NR5A2: variants seen among roughly 807,000 people sequenced by gnomAD.
NR5A2 encodes CYP7A promoter-binding factor.
Under a neutral mutation model 62.7 loss-of-function variants are expected in NR5A2, and 26 were observed. The observed-to-expected ratio is 0.41, with a 90% confidence interval of 0.30 to 0.58. The LOEUF (loss-of-function observed/expected upper bound fraction) is 0.58. Among genes scored for constraint, NR5A2 ranks in the 20% least tolerant of loss-of-function variants. NR5A2 has a pLI of 0.22. For missense variants in NR5A2, 541 were observed against 669.1 expected, an observed-to-expected ratio of 0.81 and a Z score of 2.11; for synonymous variants, 246 against 241.7, an observed-to-expected ratio of 1.02 and a Z score of -0.16.
At chr1:200,085,662 CA>C (rs779455520) in intron 5 of NR5A2, among the ~76,000 whole-genome samples, 1,253 of 91,020 alleles carry the variant, frequency 0.014, 13 homozygotes, top group African/African-American at 0.031. Flanking sequence ...AGACCTATCT[CA>C]AAAAAAAAAA....
intron 5 of NR5A2, among the ~76,000 whole-genome samples, chr1:200,088,609 C>T (rs1332300680): frequency 6.6e-6 from 1 of 152,166 alleles, no homozygotes; most frequent in Non-Finnish European, 1.5e-5. Context: ...CTCATCAGTC[C>T]ACATGAATGT....
At position 200,120,850 on chromosome 1, in the gene NR5A2, A is replaced by C. The variant is rs1167466731; in HGVS notation, c.1273A>C (p.Asn425His). The change falls in exon 7 of 8, where the codon AAC becomes CAC. Residue 425 changes from asparagine (N) to histidine (H), a missense_variant. Physicochemically the swap from Asn to His is moderately conservative, Grantham distance 68. Around this residue, in one of 3 missense-constraint regions of NR5A2, gnomAD observed 379 missense variants for 442.0 expected, o/e 0.86. Transcript: ENST00000367362. ...AGCATCACAAGCCGGAGCCACCCTC[A>C]ACAACCTCATGAGTCATGCACAGGA... is the stretch of plus-strand genomic sequence containing the variant. Reference protein sequence around the residue: ...IIASQAGATLNNLMSHAQELV... With the variant: ...IIASQAGATLHNLMSHAQELV... 5 of 1,594,746 alleles carry C rather than the reference A, an allele frequency of 3.1e-6. No homozygotes were observed. The highest frequency in any genetic ancestry group is 4.3e-6 in the Non-Finnish European group (5 of 1,172,698).
chr1:200,031,211 C>G (rs1358950845), intron 1 of NR5A2, among the ~76,000 whole-genome samples: 1 of 150,106 alleles, frequency 6.7e-6, no homozygotes, highest in Non-Finnish European at 1.5e-5. Flanking sequence ...CCAGAGTTAA[C>G]AGAGTTCTTG....
chr1:200,111,382 C>T, intron 6 of NR5A2, 61 bp downstream of exon 6: 4 of 1,546,410 alleles, frequency 2.6e-6, no homozygotes, highest in Non-Finnish European at 3.5e-6. Flanking sequence ...TTCAGAATGG[C>T]CGGAATTTAA....
At chr1:200,161,278 C>G (rs532575574) in intron 7 of NR5A2, among the ~76,000 whole-genome samples, 2 of 152,268 alleles carry the variant, frequency 1.3e-5, no homozygotes, top group East Asian at 3.9e-4. Flanking sequence ...AATTCTGTTT[C>G]CTGGCTCAGA....
At position 200,174,397 on chromosome 1, in the gene NR5A2, A is replaced by G. The variant is rs1297560280; in HGVS notation, c.*187A>G. The stretch of plus-strand genomic sequence containing the variant: ...ATACTTAATAGCAAATAAATGATGT[A>G]TCAGGGTATTTGTATTGCAAACTGT... On this transcript the variant is annotated 3_prime_UTR_variant, in exon 8 of 8. Coordinates refer to ENST00000367362, the MANE Select transcript of NR5A2 (RefSeq NM_205860.3). 7 of 519,020 alleles carry G rather than the reference A, an allele frequency of 1.3e-5. No individual in the cohort carries two copies. Among genetic ancestry groups the G allele is most frequent in the East Asian group, 3.6e-5 (1 of 28,076 alleles). 32.2% of individuals were successfully genotyped at this position (519,020 alleles called of 1,614,324 possible).
intron 5 of NR5A2, among the ~76,000 whole-genome samples, chr1:200,079,406 G>A (rs979700478): frequency 3.3e-5 from 5 of 152,128 alleles, no homozygotes; most frequent in African/African-American, 7.2e-5. Flanking sequence ...ACACTCTGTC[G>A]GAAGATGAAC....
chr1:200,041,615 C>T (rs1323471261), intron 2 of NR5A2, among the ~76,000 whole-genome samples: 2 of 152,194 alleles, frequency 1.3e-5, no homozygotes, highest in East Asian at 1.9e-4. Flanking sequence ...AAGGCACCGC[C>T]GTCCGTTCTT....
chr1:200,062,152 A>G (rs1174929005), intron 5 of NR5A2, among the ~76,000 whole-genome samples: 1 of 152,030 alleles, frequency 6.6e-6, no homozygotes, highest in Non-Finnish European at 1.5e-5. Flanking sequence ...ATACAGGCAC[A>G]CTCATATTCA....
intron 5 of NR5A2, among the ~76,000 whole-genome samples, chr1:200,095,541 A>G (rs565039392): frequency 6.6e-6 from 1 of 152,068 alleles, no homozygotes; most frequent in African/African-American, 2.4e-5. Flanking sequence ...AAAAGTCCTT[A>G]ACCATCACCA....
chr1:200,106,984 ACCT>A (rs1414830577), intron 5 of NR5A2, among the ~76,000 whole-genome samples: 1 of 151,958 alleles, frequency 6.6e-6, no homozygotes, highest in Non-Finnish European at 1.5e-5. Flanking sequence ...GGCATAGAAA[ACCT>A]CCTCGGAGAG....
chr1:200,156,475 G>A (rs1162818015), intron 7 of NR5A2, among the ~76,000 whole-genome samples: 1 of 152,156 alleles, frequency 6.6e-6, no homozygotes, highest in Non-Finnish European at 1.5e-5. Flanking sequence ...TCTGCTCACT[G>A]CAACTTCTGC....
At chr1:200,080,294 CTA>C (rs1270628115) in intron 5 of NR5A2, among the ~76,000 whole-genome samples, 2 of 152,096 alleles carry the variant, frequency 1.3e-5, no homozygotes, top group Non-Finnish European at 2.9e-5. Flanking sequence ...CAAAGTTGTA[CTA>C]TAGAGTCTAA....
In NR5A2 at chr1:200,048,451, C is replaced by G. The variant is rs372532536; in HGVS notation, c.743C>G (p.Thr248Arg). 1.2e-5 allele frequency: 19 copies of G among 1,614,100 alleles called. No homozygotes were observed. Among genetic ancestry groups the G allele is most frequent in the Admixed American group, 1.7e-5 (1 of 60,006 alleles). ...TTTGTAACATCCCCCATTAGCATGA[C>G]AATGCCCCCTCACGGCAGCCTGCAA... ...SPFVTSPISMTMPPHGSLQGY... is the reference protein window; with the variant it reads ...SPFVTSPISMRMPPHGSLQGY... Residue 248 changes from threonine (T) to arginine (R), a missense_variant, in exon 5 of 8, where the codon ACA (threonine) becomes AGA (arginine). Physicochemically the swap from Thr to Arg is moderately conservative, Grantham distance 71. This residue lies in a region of NR5A2 where 379 missense variants were observed against 442.0 expected (regional missense o/e 0.86). Transcript: ENST00000367362. The surrounding 1 kb of genome is among the most constrained non-coding windows in gnomAD (Gnocchi z 4.8).
intron 7 of NR5A2, among the ~76,000 whole-genome samples, chr1:200,136,827 A>G (rs1667241833): frequency 6.6e-6 from 1 of 152,186 alleles, no homozygotes; most frequent in African/African-American, 2.4e-5. Flanking sequence ...CCTCATCAAC[A>G]TGCCATGGTT....
chr1:200,089,098 T>A (rs1664689797), intron 5 of NR5A2, among the ~76,000 whole-genome samples: 1 of 152,244 alleles, frequency 6.6e-6, no homozygotes. Context: ...AACACAATTA[T>A]GCCATACTTT....
chr1:200,027,883 G>GTA lies in NR5A2; in HGVS notation c.37_38insAT (p.Ser13TyrfsTer3). On this transcript the variant is annotated frameshift_variant, in exon 1 of 8. Transcript: ENST00000367362. LOFTEE classifies it high-confidence loss of function. ...ATTCAGATACTGGGGATTTACAAGA[G>GTA]TCTTTAAAGCACGGACTTACACCTA... 6.2e-7 allele frequency: 1 copy of GTA among 1,605,380 alleles called. No individual in the cohort carries two copies. Among genetic ancestry groups the GTA allele is most frequent in the Non-Finnish European group, 8.5e-7 (1 of 1,175,800 alleles).
intron 7 of NR5A2, among the ~76,000 whole-genome samples, chr1:200,121,454 T>G (rs1231601699): frequency 6.6e-6 from 1 of 152,242 alleles, no homozygotes; most frequent in Non-Finnish European, 1.5e-5. Context: ...TGCACCACTA[T>G]GCAAGTACAA....
chr1:200,168,178 T>C lies in NR5A2; in HGVS notation c.1379-5785T>C, dbSNP rs1350534495. On this transcript the variant is annotated intron_variant, in intron 7 of 7. Transcript: ENST00000367362. ...CAGTTGTAAGGGCCTGTTATTTCTGTGTACATATATAGTATATACACTTTA... is the reference window on the plus strand; with the variant it reads ...CAGTTGTAAGGGCCTGTTATTTCTGCGTACATATATAGTATATACACTTTA... 2.0e-5 allele frequency among the ~76,000 whole-genome samples: 3 copies of C among 152,060 alleles called. No homozygotes were observed. In the East Asian group the frequency reaches 5.8e-4, roughly 29 times the overall value.
Sources: allele counts gnomAD v4.1 joint callset (sites outside exome capture counted in the v4.1 genomes callset), GRCh38; gene constraint gnomAD v4.1.1; regional missense constraint gnomAD v4.1.1; non-coding constraint Gnocchi (gnomAD v3.1); transcripts MANE v1.5; gene names NCBI Gene and HGNC (gene_info 2026-07-23, HGNC 2026-07-21).